The following THY1 variants were observed in gnomAD, a reference collection of about 807,000 sequenced individuals.
THY1 encodes Thy-1 cell surface antigen.
Under a neutral mutation model 14.9 loss-of-function variants are expected in THY1, and 10 were observed. The observed-to-expected ratio is 0.67, with a 90% CI of 0.41 to 1.14. The LOEUF is 1.14. Among genes scored for constraint, THY1 ranks in the 50% most tolerant of loss-of-function variants. The pLI is 0.00. For synonymous variants in THY1, 80 were observed against 90.0 expected (o/e 0.89, Z 0.63); for missense variants, 159 against 202.1 (o/e 0.79, Z 1.29).
intron 2 of THY1, 28 bp from the exon 3 acceptor site, chr11:119,420,414 T>A (rs1280560935): frequency 2.5e-6 from 4 of 1,576,260 alleles, no homozygotes; most frequent in Non-Finnish European, 3.4e-6. Context: ...TCCTTCAAAC[T>A]GGAGGGGCCT....
chr11:119,416,234 G>T lies in THY1; in HGVS notation c.*3174C>A, dbSNP rs3138095. The stretch of plus-strand genomic sequence containing the variant: ...CTAGGTATGGACTTAGGTGCTGAAG[G>T]GGGGGGACCCAGGAAAGAGGTTAGG... On this transcript the variant is annotated 3_prime_UTR_variant, in exon 4 of 4. Coordinates refer to ENST00000284240, the MANE Select transcript of THY1 (RefSeq NM_006288.5). 0.24 allele frequency among the ~76,000 whole-genome samples: 36,698 copies of T among 151,898 alleles called. 4,907 individuals are homozygous for T. The highest frequency in any genetic ancestry group is 0.31 in the Admixed American group (4,775 of 15,276).
In THY1 at chr11:119,417,058, ACT is replaced by A. The variant is rs1861792515; in HGVS notation, c.*2348_*2349del. ...CATTTCCTTCCAGAAATACCTCCAT[ACT>A]CTTTTACTATCCTGAGGGTGGGGCA... On this transcript the variant is annotated 3_prime_UTR_variant, in exon 4 of 4. Coordinates refer to ENST00000284240, the MANE Select transcript of THY1 (RefSeq NM_006288.5). Among the ~76,000 whole-genome samples the A allele has an allele frequency of 6.6e-6, 1 of 151,742 alleles. No individual in the cohort carries two copies. The highest frequency in any genetic ancestry group is 1.5e-5 in the Non-Finnish European group (1 of 67,924).
chr11:119,420,516 C>A lies in THY1; in HGVS notation c.38-130G>T. 8.2e-6 allele frequency: 7 copies of A among 850,114 alleles called. No homozygotes were observed. In the South Asian group the frequency reaches 1.1e-4, roughly 13 times the overall value. 52.7% of individuals were successfully genotyped at this position (850,114 alleles called of 1,614,324 possible). ...CTGCTCTCTGAGTGCCTTTCCCCACCCCAGGGATCCCACTTCTCCTTTGCA... is the reference window on the plus strand; with the variant it reads ...CTGCTCTCTGAGTGCCTTTCCCCACACCAGGGATCCCACTTCTCCTTTGCA... On this transcript the variant is annotated intron_variant, in intron 2 of 3. Transcript: ENST00000284240.
In THY1 at chr11:119,419,214, G is replaced by A. The variant is rs1476203221; in HGVS notation, c.*194C>T. 1.4e-5 allele frequency: 9 copies of A among 659,186 alleles called. No homozygotes were observed. The highest frequency in any genetic ancestry group is 2.3e-5 in the Non-Finnish European group (8 of 351,466). The allele number at this position is 659,186 out of a possible 1,614,324, so 40.8% of individuals were successfully genotyped here. A position where few individuals can be genotyped will look rare whatever the true frequency, so the allele number is the denominator to read the frequency against. On this transcript the variant is annotated 3_prime_UTR_variant, in exon 4 of 4. Coordinates refer to ENST00000284240, the MANE Select transcript of THY1 (RefSeq NM_006288.5). Reference sequence around the variant, plus strand: ...AAAGTACAAAAAGACAGCCAGAGGTGTGCGGAGAGGGTGAGGTGGCCGCGT... The same window carrying A: ...AAAGTACAAAAAGACAGCCAGAGGTATGCGGAGAGGGTGAGGTGGCCGCGT...
chr11:119,421,288 T>A (rs752091766), intron 1 of THY1: 59 of 180,304 alleles, frequency 3.3e-4, no homozygotes, highest in Non-Finnish European at 5.8e-4. Flanking sequence ...AAAAAAAAAA[T>A]TTAATCGTGG....
intron 3 of THY1, chr11:119,419,774 G>T (rs943738946): frequency 2.0e-5 from 12 of 597,638 alleles, no homozygotes; most frequent in Non-Finnish European, 2.4e-5. Context: ...GAGGGAGGTG[G>T]TGTCATCCCT....
In THY1 at chr11:119,416,318, G is replaced by C. The variant is rs1236066826; in HGVS notation, c.*3090C>G. ...GCATGTGTACAGGAACCAGGGCTGGGGGCCAGCCCTCTATAATTACCTGAG... is the reference window on the plus strand; with the variant it reads ...GCATGTGTACAGGAACCAGGGCTGGCGGCCAGCCCTCTATAATTACCTGAG... On this transcript the variant is annotated 3_prime_UTR_variant, in exon 4 of 4. Coordinates refer to ENST00000284240, the MANE Select transcript of THY1 (RefSeq NM_006288.5). 6.6e-6 allele frequency among the ~76,000 whole-genome samples: 1 copy of C among 152,078 alleles called. No homozygotes were observed. The highest frequency in any genetic ancestry group is 1.5e-5 in the Non-Finnish European group (1 of 68,010).
At position 119,420,324 on chromosome 11, in the gene THY1, G is replaced by A. The variant is rs757663978; in HGVS notation, c.100C>T (p.Leu34Phe). ...SLTACLVDQS[L>F]RLDCRHENTS... ...TTCTCATGGCGGCAGTCCAGACGAA[G>A]GCTCTGGTCCACTAGGCAGGCCGTT... Residue 34 changes from leucine (L) to phenylalanine (F), a missense_variant, in exon 3 of 4, where the codon CTT (leucine) becomes TTT (phenylalanine). Transcript: ENST00000284240. 1 of 1,614,210 alleles carries A rather than the reference G, an allele frequency of 6.2e-7. No individual in the cohort carries two copies. The highest frequency in any genetic ancestry group is 1.7e-5 in the Admixed American group (1 of 60,028).
Position 119,422,978 on chromosome 11 carries a change from G to T in THY1, c.-25+135C>A, listed in dbSNP as rs530026248. On this transcript the variant is annotated intron_variant, in intron 1 of 3. Coordinates refer to ENST00000284240, the MANE Select transcript of THY1 (RefSeq NM_006288.5). The surrounding 1 kb of genome is among the most constrained non-coding windows in gnomAD (Gnocchi z 7.0). ...CCCTCCCGCCCCTGCCTGGAAAGCA[G>T]GCCCCTCCCTAAGCTCTGCGCCCTT... 156 of 446,008 alleles carry T rather than the reference G, an allele frequency of 3.5e-4. 1 individual carries two copies. Among genetic ancestry groups the T allele is most frequent in the South Asian group, 2.3e-3 (148 of 63,896 alleles). 27.6% of individuals were successfully genotyped at this position (446,008 alleles called of 1,614,324 possible).
In THY1 at chr11:119,419,763, TG is replaced by T. The variant is rs1476227009; in HGVS notation, c.374-244del. ...TAAACATCATGACAAGAAAACTGGC[TG>T]AGGGAGGTGGTGTCATCCCTGTTTT... On this transcript the variant is annotated intron_variant, in intron 3 of 3. Coordinates refer to ENST00000284240, the MANE Select transcript of THY1 (RefSeq NM_006288.5). 3 of 597,730 alleles carry T rather than the reference TG, an allele frequency of 5.0e-6. No individual in the cohort carries two copies. The Admixed American group carries it at 9.0e-5, about 18-fold the overall frequency. The allele number at this position is 597,730 out of a possible 1,614,324, so 37.0% of individuals were successfully genotyped here. A position where few individuals can be genotyped will look rare whatever the true frequency, so the allele number is the denominator to read the frequency against.
upstream of THY1, chr11:119,423,261 TG>T (rs2135438887): frequency 4.8e-6 from 1 of 209,550 alleles, no homozygotes; most frequent in South Asian, 3.3e-5. Context: ...AGGCGGAGAT[TG>T]GGGGAGAAAG....
chr11:119,423,073 C>CGGTCCCCGAGCCCCA (rs1565327407), intron 1 of THY1, 40 bp downstream of exon 1: 2 of 456,002 alleles, frequency 4.4e-6, no homozygotes, highest in African/African-American at 4.0e-5. Flanking sequence ...CGCCTGACGG[C>CGGTCCCCGAGCCCCA]GGTCCCCGAG....
intron 2 of THY1, 127 bp from the exon 3 acceptor site, chr11:119,420,513 C>T: frequency 3.4e-6 from 3 of 892,440 alleles, no homozygotes; most frequent in Non-Finnish European, 5.0e-6. Context: ...TGCCTTTCCC[C>T]ACCCCAGGGA....
In THY1 at chr11:119,419,364, C is replaced by A. The variant is rs1255294471; in HGVS notation, c.*44G>T. On this transcript the variant is annotated 3_prime_UTR_variant, in exon 4 of 4. Coordinates refer to ENST00000284240, the MANE Select transcript of THY1 (RefSeq NM_006288.5). ...CTGACTCAGAGAAGTAGGATCTCTGCACTGGAACTTGAGGCTTCCTGTCTC... is the reference window on the plus strand; with the variant it reads ...CTGACTCAGAGAAGTAGGATCTCTGAACTGGAACTTGAGGCTTCCTGTCTC... 1 of 1,551,550 alleles carries A rather than the reference C, an allele frequency of 6.4e-7. No homozygotes were observed. Among genetic ancestry groups the A allele is most frequent in the African/African-American group, 1.4e-5 (1 of 73,682 alleles).
rs1342488825 is a variant in THY1 at position 119,416,266 on chromosome 11, G to A, written c.*3142C>T. On this transcript the variant is annotated 3_prime_UTR_variant, in exon 4 of 4. Transcript: ENST00000284240. ...ACCCAGGAAAGAGGTTAGGACTGGC[G>A]AGGGAGTGGATGGGGATGGGGTTGG... Among the ~76,000 whole-genome samples the A allele has an allele frequency of 5.3e-5, 8 of 152,240 alleles. No homozygotes were observed. Among genetic ancestry groups the A allele is most frequent in the Admixed American group, 2.6e-4 (4 of 15,300 alleles).
intron 3 of THY1, 193 bp downstream of exon 3, chr11:119,419,858 C>T (rs1861861532): frequency 1.5e-6 from 1 of 673,370 alleles, no homozygotes; most frequent in African/African-American, 1.8e-5. Context: ...CCACACTGCT[C>T]TGCCTGTCTG....
chr11:119,423,178 C>T, upstream of THY1: 1 of 455,510 alleles, frequency 2.2e-6, no homozygotes, highest in Non-Finnish European at 4.4e-6. Context: ...TTGCTGCACC[C>T]AGCTCGGAGC....
intron 2 of THY1, 186 bp from the exon 3 acceptor site, chr11:119,420,572 G>A (rs926862765): frequency 1.1e-5 from 7 of 652,506 alleles, no homozygotes; most frequent in Middle Eastern, 4.2e-4. Context: ...CTCTGCTTGA[G>A]CCTTGGATCC....
chr11:119,422,660 TCTC>T lies in THY1; in HGVS notation c.-25+450_-25+452del, dbSNP rs1001912317. The T allele has an allele frequency of 9.1e-6, 2 of 219,782 alleles. No homozygotes were observed. Among genetic ancestry groups the T allele is most frequent in the South Asian group, 5.7e-5 (1 of 17,400 alleles). The allele number at this position is 219,782 out of a possible 1,614,324, so 13.6% of individuals were successfully genotyped here. The stretch of plus-strand genomic sequence containing the variant: ...CCCGCCTGCGGCACTGCGGCTTCCT[TCTC>T]CTCCGGTGCCCCGCACCCAGCCCGC... On this transcript the variant is annotated intron_variant, in intron 1 of 3. Coordinates refer to ENST00000284240, the MANE Select transcript of THY1 (RefSeq NM_006288.5). The surrounding 1 kb of genome is among the most constrained non-coding windows in gnomAD (Gnocchi z 7.0).
Sources: gnomAD v4.1 joint callset for allele counts (sites outside exome capture counted in the v4.1 genomes callset) on GRCh38, gnomAD v4.1.1 for gene constraint, Gnocchi (gnomAD v3.1) non-coding constraint, MANE v1.5 for transcripts, NCBI Gene and HGNC (gene_info 2026-07-23, HGNC 2026-07-21) for gene names.